The following PAQR5 variants were observed in gnomAD, a reference collection of about 807,000 sequenced individuals.
The protein encoded by PAQR5 is membrane progestin receptor gamma.
In PAQR5, 20 loss-of-function variants were observed where a neutral mutation model predicts 34.5. The ratio of observed to expected loss-of-function variants is 0.58; its 90% CI spans 0.41 to 0.84. The LOEUF (loss-of-function observed/expected upper bound fraction) is 0.84, where lower values mean the gene tolerates loss of function less well. Among genes scored for constraint, PAQR5 ranks in the 40% least tolerant of loss-of-function variants. The pLI is 0.00. For synonymous variants in PAQR5, 131 were observed against 155.6 expected (o/e 0.84, Z 1.18); for missense variants, 378 against 412.7 (o/e 0.92, Z 0.73).
chr15:69,348,188 A>G (rs2054822444), intron 2 of PAQR5, among the ~76,000 whole-genome samples: 1 of 152,168 alleles, frequency 6.6e-6, no homozygotes, highest in Non-Finnish European at 1.5e-5. Flanking sequence ...CCTCTCAATA[A>G]AACATAAAAT....
chr15:69,384,310 G>GTTCCA (rs2056035201), intron 4 of PAQR5, among the ~76,000 whole-genome samples: 1 of 142,808 alleles, frequency 7.0e-6, no homozygotes, highest in African/African-American at 2.6e-5. Context: ...GGCCCTCCGT[G>GTTCCA]GGTGAGTGGG....
At chr15:69,402,044 A>AT (rs975668468) in intron 8 of PAQR5, among the ~76,000 whole-genome samples, 8 of 151,304 alleles carry the variant, frequency 5.3e-5, no homozygotes, top group East Asian at 2.0e-4. Flanking sequence ...TTTTTATTTT[A>AT]TTTTTTTTAA....
chr15:69,399,524 A>C (rs901082359), intron 7 of PAQR5, among the ~76,000 whole-genome samples: 11 of 152,124 alleles, frequency 7.2e-5, no homozygotes, highest in African/African-American at 2.7e-4. Flanking sequence ...TTGTACATGG[A>C]CTTTTGACTG....
chr15:69,401,869 T>C (rs2056638604), intron 8 of PAQR5, among the ~76,000 whole-genome samples: 1 of 152,158 alleles, frequency 6.6e-6, no homozygotes, highest in Non-Finnish European at 1.5e-5. Flanking sequence ...TGAATATTTC[T>C]TCTGAGATAG....
intron 1 of PAQR5, among the ~76,000 whole-genome samples, chr15:69,334,140 G>C (rs2054457118): frequency 6.6e-6 from 1 of 152,028 alleles, no homozygotes; most frequent in Admixed American, 6.6e-5. Flanking sequence ...TGATTCTCCT[G>C]CCTCAGCCTC....
chr15:69,321,852 C>T (rs1049178782), intron 1 of PAQR5, among the ~76,000 whole-genome samples: 28 of 151,992 alleles, frequency 1.8e-4, no homozygotes, highest in African/African-American at 6.8e-4. Flanking sequence ...GGGCTGGGCA[C>T]CACGGGCACA....
At chr15:69,336,663 C>G (rs183500624) in intron 1 of PAQR5, among the ~76,000 whole-genome samples, 2 of 152,164 alleles carry the variant, frequency 1.3e-5, no homozygotes, top group Non-Finnish European at 2.9e-5. Flanking sequence ...TTAACAGGTG[C>G]TCTTAAATGC....
rs751931479 is a variant in PAQR5 at position 69,379,863 on chromosome 15, C to A, written c.52-20C>A. ...CACCCTCTGGTCTCACCTCAGTGTC[C>A]TTTTCCTTTGCCTCTGCAGGTGTTC... On this transcript the variant is annotated intron_variant, in intron 3 of 8. Coordinates refer to ENST00000395407, the MANE Select transcript of PAQR5 (RefSeq NM_017705.4). 7 of 1,611,412 alleles carry A rather than the reference C, an allele frequency of 4.3e-6. No individual in the cohort carries two copies. Among genetic ancestry groups the A allele is most frequent in the African/African-American group, 1.3e-5 (1 of 75,058 alleles).
chr15:69,402,175 G>A (rs947619362), intron 8 of PAQR5, among the ~76,000 whole-genome samples: 2 of 152,216 alleles, frequency 1.3e-5, no homozygotes, highest in African/African-American at 4.8e-5. Flanking sequence ...AATTCTGGAG[G>A]CTGGAAATCT....
In PAQR5 at chr15:69,315,768, C is replaced by A. The variant is rs542106648; in HGVS notation, c.-277+16712C>A. Among the ~76,000 whole-genome samples the A allele has an allele frequency of 2.0e-5, 3 of 152,288 alleles. No homozygotes were observed. In the East Asian group the frequency reaches 5.8e-4, roughly 29 times the overall value. ...TCTCCCTGGGCAAAGTGAATCATTT[C>A]CCATGACAAGCAATGGCAGTTGGAG... is the stretch of plus-strand genomic sequence containing the variant. On this transcript the variant is annotated intron_variant, in intron 1 of 8. Transcript: ENST00000395407.
rs2056754038 is a variant in PAQR5 at position 69,406,698 on chromosome 15, G to C, written c.*2876G>C. 1 of 152,112 alleles carries C rather than the reference G, an allele frequency of 6.6e-6. No individual in the cohort carries two copies. Among genetic ancestry groups the C allele is most frequent in the South Asian group, 2.1e-4 (1 of 4,828 alleles). 9.4% of individuals were successfully genotyped at this position (152,112 alleles called of 1,614,324 possible). On this transcript the variant is annotated 3_prime_UTR_variant, in exon 9 of 9. Transcript: ENST00000395407. ...AGTCTGGGCAACAGAGCCAGACACTGTCTCTATAAAAAAAAGTTAAAACTA... is the reference window on the plus strand; with the variant it reads ...AGTCTGGGCAACAGAGCCAGACACTCTCTCTATAAAAAAAAGTTAAAACTA...
At chr15:69,382,812 A>G (rs373238829) in intron 4 of PAQR5, 3 of 5,940 alleles carry the variant, frequency 5.1e-4, no homozygotes, top group African/African-American at 1.2e-3. Flanking sequence ...ATATATATAT[A>G]TATATATATA....
At chr15:69,322,751 A>AGAAGAG (rs2054138392) in intron 1 of PAQR5, among the ~76,000 whole-genome samples, 1 of 25,596 alleles carries the variant, frequency 3.9e-5, no homozygotes, top group Non-Finnish European at 8.8e-5. Context: ...AAGAAGAAGA[A>AGAAGAG]GAAGAAGAAG....
At chr15:69,398,546 TGAA>T (rs2056526006) in intron 7 of PAQR5, among the ~76,000 whole-genome samples, 1 of 152,024 alleles carries the variant, frequency 6.6e-6, no homozygotes, top group Admixed American at 6.5e-5. Context: ...CCTGTGGGCT[TGAA>T]GAATAAAGCC....
intron 1 of PAQR5, among the ~76,000 whole-genome samples, chr15:69,336,092 T>C (rs1033070918): frequency 1.3e-5 from 2 of 152,058 alleles, no homozygotes; most frequent in East Asian, 3.9e-4. Flanking sequence ...CTTCATTGAG[T>C]CTTGTTTGGA....
chr15:69,350,156 A>G (rs913200284), intron 2 of PAQR5, among the ~76,000 whole-genome samples: 8 of 152,268 alleles, frequency 5.3e-5, no homozygotes, highest in Non-Finnish European at 1.2e-4. Flanking sequence ...GCGTGGCGGC[A>G]CTCAGCTCCA....
chr15:69,403,537 T>G, intron 8 of PAQR5, 44 bp from the exon 9 acceptor site: 1 of 1,604,532 alleles, frequency 6.2e-7, no homozygotes, highest in African/African-American at 1.3e-5. Flanking sequence ...CAGTACTCAT[T>G]CCTTTTCATT....
intron 1 of PAQR5, among the ~76,000 whole-genome samples, chr15:69,328,914 G>A (rs1036272366): frequency 1.3e-5 from 2 of 152,216 alleles, no homozygotes; most frequent in South Asian, 2.1e-4. Flanking sequence ...CCCAGCCACC[G>A]GACCAGTTTC....
chr15:69,373,954 A>G (rs1175710967), intron 3 of PAQR5, among the ~76,000 whole-genome samples: 1 of 152,076 alleles, frequency 6.6e-6, no homozygotes, highest in East Asian at 1.9e-4. Flanking sequence ...TTTATTGTCC[A>G]TTAAATTATT....
Sources: allele counts gnomAD v4.1 joint callset (sites outside exome capture counted in the v4.1 genomes callset), GRCh38; gene constraint gnomAD v4.1.1; transcripts MANE v1.5; gene names NCBI Gene and HGNC (gene_info 2026-07-23, HGNC 2026-07-21).